ANK1: variants seen among roughly 807,000 people sequenced by gnomAD.
ANK1 encodes the protein ankyrin-1.
In ANK1, 51 loss-of-function variants were observed where a neutral mutation model predicts 210.4. That is an observed-to-expected ratio of 0.24 (90% CI 0.19 to 0.31). The LOEUF is 0.31. Ranked by LOEUF, ANK1 falls within the 10% of genes least tolerant of loss-of-function variation. The pLI is 1.00. For synonymous variants in ANK1, 967 were observed against 1,025.9 expected (o/e 0.94, Z 1.10); for missense variants, 2,051 against 2,504.4 (o/e 0.82, Z 3.86).
chr8:41,790,919 A>G (rs1340436155), intron 1 of ANK1, among the ~76,000 whole-genome samples: 1 of 152,140 alleles, frequency 6.6e-6, no homozygotes, highest in Non-Finnish European at 1.5e-5. Context: ...AGGGTCCTCT[A>G]GCCATTGACT....
At chr8:41,841,788 C>T (rs1243255758) in intron 1 of ANK1, among the ~76,000 whole-genome samples, 3 of 152,196 alleles carry the variant, frequency 2.0e-5, no homozygotes, top group Admixed American at 1.3e-4. Context: ...AAGACGGCTG[C>T]CCCTCTCTCT....
At chr8:41,684,806 T>A (rs1203743525) in intron 36 of ANK1, 116 bp from the exon 37 acceptor site, 3 of 1,321,840 alleles carry the variant, frequency 2.3e-6, no homozygotes, top group Non-Finnish European at 3.2e-6. Flanking sequence ...TTTCAGAAGG[T>A]GGAGGCACCC....
chr8:41,787,529 AGGTAAAC>A (rs1330064538), intron 1 of ANK1, among the ~76,000 whole-genome samples: 1 of 152,234 alleles, frequency 6.6e-6, no homozygotes, highest in Non-Finnish European at 1.5e-5. Context: ...ACCTTCTGAG[AGGTAAAC>A]CAGTGCAATC....
rs191969320 is a variant in ANK1, at chr8:41,863,303, G to A, written c.126+33052C>T. ...GAACCCAGGAGGCAGAGTTTGCAGT[G>A]AGCCGAGATCGCACCACTGCACTCT... is the stretch of plus-strand genomic sequence containing the variant. On this transcript the variant is annotated intron_variant, in intron 1 of 42. Coordinates refer to the ANK1 transcript ENST00000265709. Among the ~76,000 whole-genome samples, 54 of 151,990 alleles carry A rather than the reference G, an allele frequency of 3.6e-4. No individual in the cohort carries two copies. In the East Asian group the frequency reaches 9.7e-3, roughly 27 times the overall value.
chr8:41,845,930 C>T (rs1809958556), intron 1 of ANK1, among the ~76,000 whole-genome samples: 1 of 152,188 alleles, frequency 6.6e-6, no homozygotes, highest in Admixed American at 6.5e-5. Context: ...TGCTTTCTTC[C>T]ATCTTTTTCC....
chr8:41,696,935 T>A (rs1821200190), intron 24 of ANK1, among the ~76,000 whole-genome samples, 162 bp from the exon 25 acceptor site: 1 of 152,172 alleles, frequency 6.6e-6, no homozygotes, highest in African/African-American at 2.4e-5. Context: ...AAGGCCGTCC[T>A]GAGGTCTAAA....
In ANK1 at chr8:41,797,574, G is replaced by A. The variant is rs1849009351; in HGVS notation, c.-36C>T. On this transcript the variant is annotated 5_prime_UTR_variant, in exon 1 of 43. Coordinates refer to ENST00000289734, the MANE Select transcript of ANK1 (RefSeq NM_000037.4). The surrounding 1 kb of genome is among the most constrained non-coding windows in gnomAD (Gnocchi z 4.0). The stretch of plus-strand genomic sequence containing the variant: ...CAGCAGGGGCCCGCCGAAGGGCCTT[G>A]GGGGCTTGAGGAGGAGCAGCTGGGG... The A allele has an allele frequency of 6.2e-7, 1 of 1,612,228 alleles. No individual in the cohort carries two copies. Among genetic ancestry groups the A allele is most frequent in the Admixed American group, 1.7e-5 (1 of 59,946 alleles).
At chr8:41,706,336 G>T in intron 17 of ANK1, 95 bp from the exon 18 acceptor site, 2 of 1,134,046 alleles carry the variant, frequency 1.8e-6, no homozygotes, top group Non-Finnish European at 2.6e-6. Flanking sequence ...AGCTAACTTT[G>T]CAGTCACCAA....
intron 1 of ANK1, among the ~76,000 whole-genome samples, chr8:41,835,682 CA>C (rs1807546388): frequency 6.6e-6 from 1 of 152,214 alleles, no homozygotes; most frequent in South Asian, 2.1e-4. Context: ...ATGGTTTTTA[CA>C]TTTTTAAATA....
chr8:41,837,125 A>G (rs1383315536), intron 1 of ANK1, among the ~76,000 whole-genome samples: 1 of 152,200 alleles, frequency 6.6e-6, no homozygotes, highest in Non-Finnish European at 1.5e-5. Flanking sequence ...CATTTCCTTA[A>G]CTGGTAAAAT....
chr8:41,740,661 G>C (rs756012708), intron 2 of ANK1, among the ~76,000 whole-genome samples: 1 of 152,104 alleles, frequency 6.6e-6, no homozygotes. Context: ...CTCTGTATGC[G>C]TGCACTCTAT....
intron 39 of ANK1, chr8:41,665,107 TC>T (rs1810032258): frequency 1.3e-6 from 2 of 1,571,284 alleles, no homozygotes; most frequent in African/African-American, 1.3e-5. Flanking sequence ...CCACTGGGAC[TC>T]CTGAGTCCCC....
intron 37 of ANK1, among the ~76,000 whole-genome samples, chr8:41,677,196 A>G (rs2150568892): frequency 6.6e-6 from 1 of 152,254 alleles, no homozygotes; most frequent in African/African-American, 2.4e-5. Flanking sequence ...TAGGTAGTAT[A>G]TATTCCTTAT....
At chr8:41,705,330 C>T in intron 18 of ANK1, among the ~76,000 whole-genome samples, 1 of 152,206 alleles carries the variant, frequency 6.6e-6, no homozygotes, top group Non-Finnish European at 1.5e-5. Context: ...GTGCAGGACC[C>T]CAAAAGACTA....
chr8:41,709,078 C>A, intron 16 of ANK1, 103 bp from the exon 17 acceptor site: 2 of 1,372,828 alleles, frequency 1.5e-6, no homozygotes, highest in Non-Finnish European at 2.0e-6. Context: ...GGCTGGACAC[C>A]CAGTGAGCAG....
At chr8:41,841,032 T>C (rs1466428270) in intron 1 of ANK1, among the ~76,000 whole-genome samples, 1 of 152,106 alleles carries the variant, frequency 6.6e-6, no homozygotes, top group Non-Finnish European at 1.5e-5. Flanking sequence ...GTGTAACCCA[T>C]CATCAGTCCC....
At chr8:41,753,426 C>A (rs967849952) in intron 2 of ANK1, among the ~76,000 whole-genome samples, 6 of 152,022 alleles carry the variant, frequency 3.9e-5, no homozygotes, top group African/African-American at 1.4e-4. Flanking sequence ...CTCCCCCAGA[C>A]CCCTTCCCCT....
At chr8:41,757,469 CA>C (rs1412611221) in intron 2 of ANK1, among the ~76,000 whole-genome samples, 1 of 152,162 alleles carries the variant, frequency 6.6e-6, no homozygotes, top group Non-Finnish European at 1.5e-5. Context: ...CAACCCAACC[CA>C]AACACATTTT....
chr8:41,665,397 G>T, intron 39 of ANK1: 2 of 736,702 alleles, frequency 2.7e-6, no homozygotes, highest in Admixed American at 6.5e-5. Context: ...ACAAGTGAAA[G>T]TCACTGTGTG....
Sources: gnomAD v4.1 joint callset for allele counts (sites outside exome capture counted in the v4.1 genomes callset) on GRCh38, gnomAD v4.1.1 for gene constraint, Gnocchi (gnomAD v3.1) non-coding constraint, MANE v1.5 for transcripts, NCBI Gene and HGNC (gene_info 2026-07-23, HGNC 2026-07-21) for gene names.